The following PPIG variants were observed in gnomAD, a reference collection of about 807,000 sequenced individuals.
PPIG encodes peptidylprolyl isomerase G.
Under a neutral mutation model 87.9 loss-of-function variants are expected in PPIG, and 26 were observed. That is an observed-to-expected ratio of 0.30 (90% CI 0.22 to 0.41). The LOEUF is 0.41. Among genes scored for constraint, PPIG ranks in the 10% least tolerant of loss-of-function variants. The pLI is 1.00. For missense variants in PPIG, 722 were observed against 879.4 expected (o/e 0.82, Z 2.26); for synonymous variants, 308 against 276.5 (o/e 1.11, Z -1.13).
intron 1 of PPIG, among the ~76,000 whole-genome samples, chr2:169,599,125 T>G (rs1280267516): frequency 2.6e-5 from 4 of 152,106 alleles, no homozygotes; most frequent in African/African-American, 9.7e-5. Context: ...AATATGGATA[T>G]TTGTTGTCAA....
intron 9 of PPIG, among the ~76,000 whole-genome samples, chr2:169,628,596 A>G (rs1685955904): frequency 6.6e-6 from 1 of 152,136 alleles, no homozygotes; most frequent in South Asian, 2.1e-4. Context: ...GGATTACTAG[A>G]GCCCAGGAGT....
intron 12 of PPIG, among the ~76,000 whole-genome samples, chr2:169,635,113 AC>A (rs1432543469): frequency 6.6e-6 from 1 of 152,156 alleles, no homozygotes; most frequent in Non-Finnish European, 1.5e-5. Context: ...AATAGTTTTG[AC>A]CCCGAGTCTT....
Position 169,608,765 on chromosome 2 carries a change from A to G in PPIG, c.377+7A>G. ...ATGGTTCACAGTTCTTCATGTAAGTATTTATTATCTGATGATTTAAAACAT... is the reference window on the plus strand; with the variant it reads ...ATGGTTCACAGTTCTTCATGTAAGTGTTTATTATCTGATGATTTAAAACAT... On this transcript the variant is annotated splice_region_variant and intron_variant, in intron 7 of 13. Transcript: ENST00000260970. 6.4e-7 allele frequency: 1 copy of G among 1,573,580 alleles called. No homozygotes were observed. The highest frequency in any genetic ancestry group is 8.7e-7 in the Non-Finnish European group (1 of 1,145,256).
rs528830957 is a variant in PPIG at position 169,638,324 on chromosome 2, T to G, written c.*801T>G. On this transcript the variant is annotated 3_prime_UTR_variant, in exon 14 of 14. Transcript: ENST00000260970. ...TTTTGGGAACGTTTTAATTATTAAT[T>G]ACCCTTCTCTAAACTTTAAAAAAAA... 3 of 148,340 alleles carry G rather than the reference T, an allele frequency of 2.0e-5. No homozygotes were observed. The South Asian group carries it at 6.3e-4, about 31-fold the overall frequency. 9.2% of individuals were successfully genotyped at this position (148,340 alleles called of 1,614,324 possible). A position where few individuals can be genotyped will look rare whatever the true frequency, so the allele number is the denominator to read the frequency against.
Position 169,635,528 on chromosome 2 carries a change from T to C in PPIG, c.1018-564T>C, listed in dbSNP as rs149089377. ...CACATGCTCTCCAAGTCCTGTAGAA[T>C]ATGAGTTCCAGGAAAGCACACTCAT... is the stretch of plus-strand genomic sequence containing the variant. On this transcript the variant is annotated intron_variant, in intron 12 of 13. Transcript: ENST00000260970. 1.2e-3 allele frequency among the ~76,000 whole-genome samples: 188 copies of C among 152,322 alleles called. 1 individual carries two copies. Among genetic ancestry groups the C allele is most frequent in the Admixed American group, 4.4e-3 (68 of 15,298 alleles).
In PPIG at chr2:169,636,592, A is replaced by G; in HGVS notation, c.1334A>G (p.Asp445Gly). The part of the protein sequence containing the change: ...ERDIRRNSEK[D>G]DKYKNKVKKR... ...GACATCAGAAGAAATTCAGAAAAAG[A>G]TGACAAGTATAAAAACAAAGTGAAG... Residue 445 changes from aspartate to glycine, a missense_variant, in exon 14 of 14, where the codon GAT (aspartate) becomes GGT (glycine). Asp to Gly is a moderately conservative substitution (Grantham distance 94). Around this residue, in one of 4 missense-constraint regions of PPIG, gnomAD observed 476 missense variants for 483.1 expected, o/e 0.99. Transcript: ENST00000260970. 1.3e-6 allele frequency: 2 copies of G among 1,597,842 alleles called. No homozygotes were observed. The highest frequency in any genetic ancestry group is 1.7e-6 in the Non-Finnish European group (2 of 1,176,110).
chr2:169,604,242 C>CT lies in PPIG; in HGVS notation c.120dup (p.Arg41SerfsTer7). The CT allele has an allele frequency of 6.2e-7, 1 of 1,607,054 alleles. No homozygotes were observed. Among genetic ancestry groups the CT allele is most frequent in the Non-Finnish European group, 8.5e-7 (1 of 1,177,480 alleles). On this transcript the variant is annotated frameshift_variant, in exon 4 of 14. Transcript: ENST00000260970. LOFTEE classifies it high-confidence loss of function. ...ATGTGTGCCCCAAAACATGCGAGAA[C>CT]TTTCGTTGTCTTTGTACAGGTTTGT...
In PPIG at chr2:169,630,915, G is replaced by A. The variant is rs201618582; in HGVS notation, c.689G>A (p.Arg230Lys). The change falls in exon 10 of 14, where the codon AGA becomes AAA. Residue 230 changes from arginine to lysine, a missense_variant. Transcript: ENST00000260970. The stretch of plus-strand genomic sequence containing the variant: ...GCTACTGAAGAGAAATCAAAGAAAA[G>A]AAAAAAGAAACATCGGAAAAATTCC... Reference protein sequence around the residue: ...ESATEEKSKKRKKKHRKNSRK... With the variant: ...ESATEEKSKKKKKKHRKNSRK... 1.2e-5 allele frequency: 19 copies of A among 1,601,000 alleles called. No homozygotes were observed. Among genetic ancestry groups the A allele is most frequent in the Non-Finnish European group, 1.4e-5 (17 of 1,176,846 alleles).
chr2:169,604,337 T>TG (rs1685262730), intron 4 of PPIG, 76 bp downstream of exon 4: 1 of 1,148,434 alleles, frequency 8.7e-7, no homozygotes, highest in African/African-American at 1.7e-5. Flanking sequence ...GTTTTTTTTT[T>TG]TTTTTTTTTT....
At position 169,639,327 on chromosome 2, in the gene PPIG, T is replaced by G. The variant is rs1476612615; in HGVS notation, c.*1804T>G. ...AAGCAAGTTATTGTTTGTCTTAATT[T>G]CAGTTAACTGCATTTTAAAATTGTT... is the stretch of plus-strand genomic sequence containing the variant. On this transcript the variant is annotated 3_prime_UTR_variant, in exon 14 of 14. Coordinates refer to ENST00000260970, the MANE Select transcript of PPIG (RefSeq NM_004792.3). 2.0e-5 allele frequency: 3 copies of G among 152,118 alleles called. No individual in the cohort carries two copies. 9.4% of individuals were successfully genotyped at this position (152,118 alleles called of 1,614,324 possible).
intron 9 of PPIG, 122 bp from the exon 10 acceptor site, chr2:169,630,652 A>G (rs1421275671): frequency 2.5e-6 from 2 of 806,686 alleles, no homozygotes; most frequent in African/African-American, 3.5e-5. Context: ...TTCCCAGTTC[A>G]CATAGCTGGA....
chr2:169,598,483 G>A (rs1254432052), intron 1 of PPIG, among the ~76,000 whole-genome samples: 1 of 152,024 alleles, frequency 6.6e-6, no homozygotes, highest in Admixed American at 6.6e-5. Flanking sequence ...AGGGGAGACG[G>A]GGTTTCACCG....
rs1443442669 is a variant in PPIG, at chr2:169,636,544, A to G, written c.1286A>G (p.His429Arg). ...GAAAAGGAGAAGAAAGTTAAAGACC[A>G]TAAATCTAACAGCAAAGAGAGAGAC... ...KNEKEKKVKDHKSNSKERDIR... is the reference protein window; with the variant it reads ...KNEKEKKVKDRKSNSKERDIR... The change falls in exon 14 of 14, where the codon CAT (histidine) becomes CGT (arginine). Residue 429 changes from histidine (H) to arginine (R), a missense_variant. His to Arg is a conservative substitution (Grantham distance 29). Around this residue, in one of 4 missense-constraint regions of PPIG, gnomAD observed 476 missense variants for 483.1 expected, o/e 0.99. Coordinates refer to ENST00000260970, the MANE Select transcript of PPIG (RefSeq NM_004792.3). 1.2e-6 allele frequency: 2 copies of G among 1,610,196 alleles called. No individual in the cohort carries two copies. Among genetic ancestry groups the G allele is most frequent in the East Asian group, 2.2e-5 (1 of 44,776 alleles).
At chr2:169,613,143 C>G (rs977425157) in intron 7 of PPIG, among the ~76,000 whole-genome samples, 15 of 152,214 alleles carry the variant, frequency 9.9e-5, no homozygotes, top group African/African-American at 3.4e-4. Context: ...TCAACTATAT[C>G]TAAATGCAAA....
chr2:169,615,787 AT>A (rs1298716716), intron 9 of PPIG, among the ~76,000 whole-genome samples: 3 of 152,308 alleles, frequency 2.0e-5, no homozygotes, highest in African/African-American at 7.2e-5. Flanking sequence ...CAACACACTG[AT>A]CTCATTTCCT....
intron 10 of PPIG, chr2:169,631,462 C>T: frequency 1.6e-6 from 1 of 625,844 alleles, no homozygotes. Context: ...TTTCTTTACC[C>T]ATGTTTTAAA....
chr2:169,592,697 C>T (rs1684902952), intron 1 of PPIG, among the ~76,000 whole-genome samples: 1 of 152,126 alleles, frequency 6.6e-6, no homozygotes, highest in African/African-American at 2.4e-5. Flanking sequence ...CCCTTCGCCC[C>T]TCAAAGTGCT....
At chr2:169,599,551 A>T (rs1476527830) in intron 1 of PPIG, among the ~76,000 whole-genome samples, 1 of 152,224 alleles carries the variant, frequency 6.6e-6, no homozygotes, top group Non-Finnish European at 1.5e-5. Context: ...GTTAAAAGGT[A>T]CAATGAATAT....
At chr2:169,592,632 T>C (rs1684901307) in intron 1 of PPIG, among the ~76,000 whole-genome samples, 1 of 152,062 alleles carries the variant, frequency 6.6e-6, no homozygotes, top group East Asian at 1.9e-4. Context: ...TAGAGATGCG[T>C]TCTCATTATG....
Sources: allele counts gnomAD v4.1 joint callset (sites outside exome capture counted in the v4.1 genomes callset), GRCh38; gene constraint gnomAD v4.1.1; regional missense constraint gnomAD v4.1.1; transcripts MANE v1.5; gene names NCBI Gene and HGNC (gene_info 2026-07-23, HGNC 2026-07-21).